The following MYO10 variants were observed in gnomAD, a reference collection of about 807,000 sequenced individuals.
MYO10 encodes unconventional myosin-X.
A neutral mutation model predicts 257.3 loss-of-function variants in MYO10; 133 were observed. The observed-to-expected ratio is 0.52, with a 90% confidence interval of 0.45 to 0.60. The LOEUF is 0.60. Ranked by LOEUF, MYO10 falls within the 20% of genes least tolerant of loss-of-function variation. The pLI is 0.00. For missense variants in MYO10, 2,399 were observed against 2,635.7 expected (o/e 0.91, Z 1.97); for synonymous variants, 1,104 against 1,028.6 (o/e 1.07, Z -1.40).
At chr5:16,925,480 G>A (rs570050271) in intron 1 of MYO10, among the ~76,000 whole-genome samples, 4 of 151,974 alleles carry the variant, frequency 2.6e-5, no homozygotes, top group African/African-American at 7.2e-5. Context: ...GTGCAATCTC[G>A]GCTCACTGCA....
chr5:16,918,331 T>C (rs755629286), intron 1 of MYO10, among the ~76,000 whole-genome samples: 1 of 152,080 alleles, frequency 6.6e-6, no homozygotes, highest in Admixed American at 6.6e-5. Context: ...AAACTGCATA[T>C]GGATTCCAAA....
chr5:16,764,237 T>C lies in MYO10; in HGVS notation c.1326+13A>G. 1.2e-6 allele frequency: 2 copies of C among 1,613,746 alleles called. No homozygotes were observed. The highest frequency in any genetic ancestry group is 1.7e-6 in the Non-Finnish European group (2 of 1,179,754). On this transcript the variant is annotated intron_variant, in intron 12 of 40. Coordinates refer to ENST00000513610, the MANE Select transcript of MYO10 (RefSeq NM_012334.3). ...AGAAGAGAATTCACGTGCTGCACTG[T>C]TAGGAAACCTACCTCAAAGTTTTCA...
intron 11 of MYO10, among the ~76,000 whole-genome samples, chr5:16,765,116 T>A (rs1343008212): frequency 6.6e-6 from 1 of 152,194 alleles, no homozygotes; most frequent in Non-Finnish European, 1.5e-5. Flanking sequence ...ATTAAAAACA[T>A]ATTAGAGGAG....
intron 4 of MYO10, among the ~76,000 whole-genome samples, chr5:16,786,097 C>T (rs1211790313): frequency 1.1e-5 from 1 of 89,464 alleles, no homozygotes; most frequent in East Asian, 2.8e-4. Context: ...AGAGTAGACT[C>T]GAGTCCCTCC....
chr5:16,669,539 G>A (rs952651160), intron 39 of MYO10, among the ~76,000 whole-genome samples: 23 of 152,292 alleles, frequency 1.5e-4, no homozygotes, highest in Admixed American at 5.2e-4. Flanking sequence ...CACAGCTCAC[G>A]TTTTGCAGGA....
chr5:16,811,847 G>C (rs1197693272), intron 3 of MYO10, among the ~76,000 whole-genome samples: 2 of 152,170 alleles, frequency 1.3e-5, no homozygotes, highest in Non-Finnish European at 2.9e-5. Flanking sequence ...CACCATGCCA[G>C]GCTTTCTACT....
chr5:16,785,721 T>G (rs750733059), intron 4 of MYO10, among the ~76,000 whole-genome samples: 53 of 151,772 alleles, frequency 3.5e-4, no homozygotes, highest in South Asian at 8.4e-4. Context: ...AATACAAAAA[T>G]TAGCCGGGCG....
chr5:16,871,166 A>T (rs1018167859), intron 2 of MYO10, among the ~76,000 whole-genome samples: 1 of 152,164 alleles, frequency 6.6e-6, no homozygotes, highest in Non-Finnish European at 1.5e-5. Flanking sequence ...TATCCCCATT[A>T]AACAGTAATG....
intron 19 of MYO10, among the ~76,000 whole-genome samples, chr5:16,734,648 T>A (rs574654949): frequency 1.3e-5 from 2 of 152,076 alleles, no homozygotes; most frequent in East Asian, 3.9e-4. Context: ...CTACTAAAAA[T>A]ACAAAAATTA....
At chr5:16,761,793 A>G (rs1209937909) in intron 16 of MYO10, among the ~76,000 whole-genome samples, 1 of 152,014 alleles carries the variant, frequency 6.6e-6, no homozygotes, top group Non-Finnish European at 1.5e-5. Flanking sequence ...AGGACAACAG[A>G]TGTGTCACCA....
At chr5:16,868,802 C>T (rs1470115176) in intron 2 of MYO10, among the ~76,000 whole-genome samples, 2 of 152,092 alleles carry the variant, frequency 1.3e-5, no homozygotes, top group African/African-American at 4.8e-5. Flanking sequence ...AAATACTTCA[C>T]AGCAAGTATA....
At chr5:16,932,739 C>A (rs537696902) in intron 1 of MYO10, among the ~76,000 whole-genome samples, 1 of 152,052 alleles carries the variant, frequency 6.6e-6, no homozygotes, top group Non-Finnish European at 1.5e-5. Flanking sequence ...TTCCCCCTGG[C>A]GCGCAGTAAG....
Position 16,707,759 on chromosome 5 carries a change from C to A in MYO10, c.2170-3074G>T, listed in dbSNP as rs553397603. Among the ~76,000 whole-genome samples the A allele has an allele frequency of 3.3e-5, 5 of 152,336 alleles. No homozygotes were observed. The South Asian group carries it at 1.0e-3, about 32-fold the overall frequency. Reference sequence around the variant, plus strand: ...GGGAAATACATTGCAATCTCCTCCCCACGGGCTGTGCCGTGAAGCATCCGA... The same window carrying A: ...GGGAAATACATTGCAATCTCCTCCCAACGGGCTGTGCCGTGAAGCATCCGA... On this transcript the variant is annotated intron_variant, in intron 21 of 40. Coordinates refer to ENST00000513610, the MANE Select transcript of MYO10 (RefSeq NM_012334.3).
chr5:16,778,320 T>A (rs918230581), intron 9 of MYO10, among the ~76,000 whole-genome samples: 37 of 152,194 alleles, frequency 2.4e-4, no homozygotes, highest in Admixed American at 2.2e-3. Context: ...CATGCCACAA[T>A]GCAGAGACAG....
At chr5:16,815,422 G>T (rs750499782) in intron 3 of MYO10, 2 of 700,584 alleles carry the variant, frequency 2.9e-6, no homozygotes, top group Non-Finnish European at 5.2e-6. Flanking sequence ...AAGCATTGTG[G>T]ATTTGGAGTT....
At chr5:16,880,078 G>C (rs1422111475) in intron 1 of MYO10, among the ~76,000 whole-genome samples, 1 of 152,182 alleles carries the variant, frequency 6.6e-6, no homozygotes, top group African/African-American at 2.4e-5. Context: ...TTCTCAGGAG[G>C]CTGAGGCAGG....
chr5:16,761,291 T>A (rs1327070703), intron 17 of MYO10, among the ~76,000 whole-genome samples, 173 bp downstream of exon 17: 2 of 152,130 alleles, frequency 1.3e-5, no homozygotes, highest in African/African-American at 4.8e-5. Flanking sequence ...ATGCCCGACC[T>A]TGCTTGTATT....
chr5:16,812,420 G>A (rs2126698702), intron 3 of MYO10, among the ~76,000 whole-genome samples: 1 of 152,278 alleles, frequency 6.6e-6, no homozygotes, highest in South Asian at 2.1e-4. Context: ...ACAAGCCTGG[G>A]ACAGGAATGC....
chr5:16,935,918 G>T lies in MYO10; in HGVS notation c.-110C>A. The T allele has an allele frequency of 1.5e-6, 2 of 1,367,642 alleles. No individual in the cohort carries two copies. Among genetic ancestry groups the T allele is most frequent in the Non-Finnish European group, 2.0e-6 (2 of 986,466 alleles). The allele number at this position is 1,367,642 out of a possible 1,614,324, so 84.7% of individuals were successfully genotyped here. A position where few individuals can be genotyped will look rare whatever the true frequency, so the allele number is the denominator to read the frequency against. On this transcript the variant is annotated 5_prime_UTR_variant, in exon 1 of 41. Transcript: ENST00000513610. ...GTCACGGCGCCACTCCCGAGGACGC[G>T]CGCCCGCGGGGCTCCCCTGCTGCCA...
Sources: allele counts gnomAD v4.1 joint callset (sites outside exome capture counted in the v4.1 genomes callset), GRCh38; gene constraint gnomAD v4.1.1; transcripts MANE v1.5; gene names NCBI Gene and HGNC (gene_info 2026-07-23, HGNC 2026-07-21).